Variants in SCAMP5 observed in about 807,000 individuals in gnomAD.
The protein encoded by SCAMP5 is secretory carrier-associated membrane protein 5.
SCAMP5 carries 7 observed loss-of-function variants against 28.3 expected under a neutral mutation model. That is an observed-to-expected ratio of 0.25 (90% confidence interval 0.14 to 0.46). The LOEUF (loss-of-function observed/expected upper bound fraction) is 0.46. SCAMP5 is among the 20% of genes least tolerant of loss of function. The pLI, the probability that SCAMP5 is intolerant of heterozygous loss-of-function variation, is 0.99. For missense variants in SCAMP5, 192 were observed against 312.5 expected (o/e 0.61, Z 2.91); for synonymous variants, 117 against 116.4 (o/e 1.00, Z -0.03).
At chr15:75,004,367 A>G (rs1287821296) in intron 1 of SCAMP5, among the ~76,000 whole-genome samples, 1 of 152,190 alleles carries the variant, frequency 6.6e-6, no homozygotes, top group Non-Finnish European at 1.5e-5. Context: ...ATTTTTTCGC[A>G]GAACCGTTTG....
chr15:75,002,795 A>G (rs756309988), intron 1 of SCAMP5, among the ~76,000 whole-genome samples: 30 of 150,822 alleles, frequency 2.0e-4, no homozygotes, highest in Non-Finnish European at 3.2e-4. Flanking sequence ...TAGGTAGTGC[A>G]TTTATATATG....
At chr15:74,998,794 A>G (rs1450174312) in intron 1 of SCAMP5, among the ~76,000 whole-genome samples, 1 of 151,860 alleles carries the variant, frequency 6.6e-6, no homozygotes, top group Non-Finnish European at 1.5e-5. Flanking sequence ...TAACCTTTAT[A>G]TACAAACAAG....
intron 1 of SCAMP5, among the ~76,000 whole-genome samples, chr15:75,004,637 G>T (rs568887790): frequency 6.6e-6 from 1 of 152,166 alleles, no homozygotes; most frequent in East Asian, 1.9e-4. Context: ...GACTGAGACT[G>T]GAGGATCTCT....
intron 1 of SCAMP5, among the ~76,000 whole-genome samples, chr15:75,000,690 T>TTG (rs1217141197): frequency 2.7e-4 from 38 of 140,102 alleles, no homozygotes; most frequent in African/African-American, 1.0e-3. Context: ...AGCCTTTTTT[T>TTG]TTTTTTTTTT....
chr15:75,016,284 TG>T (rs2065858672), intron 3 of SCAMP5, among the ~76,000 whole-genome samples: 1 of 152,010 alleles, frequency 6.6e-6, no homozygotes, highest in South Asian at 2.1e-4. Flanking sequence ...GAGTGGGTGC[TG>T]GGGTTGAGGG....
chr15:75,017,936 C>T lies in SCAMP5; in HGVS notation c.360C>T (p.Ile120=), dbSNP rs367635580. ...TCATGGCTCAGTTGGTCATCAGCAT[C>T]ATCCAGGCCGTGGGCATCCCAGGCT... ...FTFMAQLVIS[I]IQAVGIPGWG... is the part of the protein sequence containing the mutation. Residue 120 remains isoleucine (I), a synonymous_variant, in exon 5 of 7, where the codon ATC becomes ATT. Transcript: ENST00000425597. 6.2e-7 allele frequency: 1 copy of T among 1,613,700 alleles called. No individual in the cohort carries two copies. The highest frequency in any genetic ancestry group is 1.3e-5 in the African/African-American group (1 of 74,930).
At chr15:75,017,731 C>T (rs764902717) in intron 4 of SCAMP5, 139 bp from the exon 5 acceptor site, 2 of 692,812 alleles carry the variant, frequency 2.9e-6, no homozygotes, top group Non-Finnish European at 2.6e-6. Flanking sequence ...GTAGAACTAA[C>T]CCCTTCTGAC....
At chr15:75,010,229 C>T (rs7167415) in intron 1 of SCAMP5, among the ~76,000 whole-genome samples, 30,437 of 152,016 alleles carry the variant, frequency 0.2, 4,844 homozygotes, top group South Asian at 0.43. Context: ...TCCTATAAGA[C>T]GCCCTGTCCA....
At chr15:75,012,880 T>G (rs1595887323) in intron 3 of SCAMP5, 75 bp downstream of exon 3, 1 of 1,456,518 alleles carries the variant, frequency 6.9e-7, no homozygotes, top group South Asian at 1.2e-5. Flanking sequence ...GGCAGCGGGG[T>G]GGGGTGCCCA....
At chr15:75,008,553 G>A (rs1244332700) in intron 1 of SCAMP5, among the ~76,000 whole-genome samples, 1 of 149,472 alleles carries the variant, frequency 6.7e-6, no homozygotes, top group Non-Finnish European at 1.5e-5. Flanking sequence ...AGGCTGGAGT[G>A]CAGCAGCGAA....
chr15:75,011,808 G>A lies in SCAMP5; in HGVS notation c.-32G>A. ...TCCTTGCAGTTCAGGACAAAGAGGT[G>A]TGGGCAGGCCACTGGGCCAGCTGGT... On this transcript the variant is annotated 5_prime_UTR_variant, in exon 2 of 7. The change creates a new upstream start codon in the 5' untranslated region. Coordinates refer to ENST00000425597, the MANE Select transcript of SCAMP5 (RefSeq NM_138967.4). 6.2e-7 allele frequency: 1 copy of A among 1,609,098 alleles called. No individual in the cohort carries two copies. The highest frequency in any genetic ancestry group is 8.5e-7 in the Non-Finnish European group (1 of 1,175,708).
In SCAMP5 at chr15:75,017,855, C is replaced by G; in HGVS notation, c.294-15C>G. 6.3e-7 allele frequency: 1 copy of G among 1,592,348 alleles called. No homozygotes were observed. Among genetic ancestry groups the G allele is most frequent in the Non-Finnish European group, 8.6e-7 (1 of 1,160,334 alleles). On this transcript the variant is annotated splice_polypyrimidine_tract_variant and intron_variant, in intron 4 of 6. Coordinates refer to ENST00000425597, the MANE Select transcript of SCAMP5 (RefSeq NM_138967.4). Reference sequence around the variant, plus strand: ...CCCTCTGCCCAGGTGACGGGAGCCACCTCCTCTGCCGCAGGACTGACAGCT... The same window carrying G: ...CCCTCTGCCCAGGTGACGGGAGCCAGCTCCTCTGCCGCAGGACTGACAGCT...
intron 1 of SCAMP5, among the ~76,000 whole-genome samples, chr15:75,004,799 T>C (rs1319536935): frequency 6.6e-6 from 1 of 151,890 alleles, no homozygotes; most frequent in Non-Finnish European, 1.5e-5. Flanking sequence ...AGAAATTTAA[T>C]AGTGAATAGT....
intron 1 of SCAMP5, among the ~76,000 whole-genome samples, chr15:75,002,625 A>G (rs1050986838): frequency 1.3e-5 from 2 of 151,968 alleles, no homozygotes; most frequent in Non-Finnish European, 2.9e-5. Flanking sequence ...CAGTGGCATT[A>G]TCACATTTGT....
At chr15:74,997,171 T>C in intron 1 of SCAMP5, 1 of 152,456 alleles carries the variant, frequency 6.6e-6, no homozygotes, top group Non-Finnish European at 1.5e-5. Context: ...TCCCTCTTCC[T>C]TTTCCTTTCC....
intron 1 of SCAMP5, among the ~76,000 whole-genome samples, chr15:75,005,288 C>T (rs574339995): frequency 2.0e-5 from 3 of 151,976 alleles, no homozygotes; most frequent in East Asian, 1.9e-4. Flanking sequence ...CATGGAGAAA[C>T]GCCATCTCTA....
Position 75,016,752 on chromosome 15 carries a change from A to G in SCAMP5, c.293+3A>G. On this transcript the variant is annotated splice_donor_region_variant and intron_variant, in intron 4 of 6. Transcript: ENST00000425597. ...CGGCCCATTTACAAGGCCTTCAAGT[A>G]AGTGGTTGGTGCTATCCGCAGTGCC... 6.2e-7 allele frequency: 1 copy of G among 1,612,086 alleles called. No individual in the cohort carries two copies. The highest frequency in any genetic ancestry group is 8.5e-7 in the Non-Finnish European group (1 of 1,179,178).
chr15:74,999,330 G>T (rs972166900), intron 1 of SCAMP5, among the ~76,000 whole-genome samples: 18 of 152,174 alleles, frequency 1.2e-4, no homozygotes, highest in Non-Finnish European at 1.5e-4. Flanking sequence ...CACCCGAGCT[G>T]CCAGGAAGGG....
intron 1 of SCAMP5, among the ~76,000 whole-genome samples, chr15:75,007,119 AT>A (rs1471026850): frequency 6.6e-6 from 1 of 151,878 alleles, no homozygotes; most frequent in Non-Finnish European, 1.5e-5. Context: ...CTAACCTTGT[AT>A]TTCCTTTTCC....
Sources: gnomAD v4.1 joint callset for allele counts (sites outside exome capture counted in the v4.1 genomes callset) on GRCh38, gnomAD v4.1.1 for gene constraint, MANE v1.5 for transcripts, NCBI Gene and HGNC (gene_info 2026-07-23, HGNC 2026-07-21) for gene names.